The following VPS8 variants were observed in gnomAD, a reference collection of about 807,000 sequenced individuals.
VPS8 encodes the protein vacuolar protein sorting-associated protein 8 homolog.
VPS8 carries 129 observed loss-of-function variants against 216.4 expected under a neutral mutation model. The observed-to-expected ratio is 0.60, with a 90% CI of 0.52 to 0.69. The LOEUF (loss-of-function observed/expected upper bound fraction) is 0.69. VPS8 is among the 30% of genes least tolerant of loss of function. The pLI is 0.00. For missense variants in VPS8, 1,531 were observed against 1,683.5 expected, an observed-to-expected ratio of 0.91 and a Z score of 1.59; for synonymous variants, 571 against 565.4, an observed-to-expected ratio of 1.01 and a Z score of -0.14.
intron 25 of VPS8, among the ~76,000 whole-genome samples, chr3:184,902,074 T>C (rs1273788869): frequency 1.3e-5 from 2 of 152,142 alleles, no homozygotes; most frequent in Non-Finnish European, 1.5e-5. Context: ...TGTTTAGCCA[T>C]TCACATATCT....
chr3:184,874,817 A>G (rs150292054), intron 21 of VPS8, among the ~76,000 whole-genome samples: 324 of 152,326 alleles, frequency 2.1e-3, no homozygotes, highest in African/African-American at 7.4e-3. Flanking sequence ...TGGGTTGTTT[A>G]ATCTGAGGAG....
chr3:185,014,784 G>A (rs1405733031), intron 45 of VPS8, among the ~76,000 whole-genome samples: 2 of 152,204 alleles, frequency 1.3e-5, no homozygotes, highest in African/African-American at 4.8e-5. Flanking sequence ...TGGGATGCCA[G>A]TAATGTGTTT....
intron 45 of VPS8, among the ~76,000 whole-genome samples, chr3:185,015,768 G>A (rs1159246503): frequency 6.6e-6 from 1 of 152,194 alleles, no homozygotes; most frequent in Non-Finnish European, 1.5e-5. Flanking sequence ...TCCTGAGAGG[G>A]ACAGTAATTT....
intron 42 of VPS8, among the ~76,000 whole-genome samples, chr3:184,984,275 G>A (rs1259585310): frequency 2.7e-5 from 4 of 147,902 alleles, no homozygotes; most frequent in Non-Finnish European, 6.0e-5. Flanking sequence ...TCATTACATG[G>A]TATACTATCA....
At position 184,996,371 on chromosome 3, in the gene VPS8, C is replaced by A; in HGVS notation, c.3706C>A (p.Leu1236Ile). 1 of 1,613,308 alleles carries A rather than the reference C, an allele frequency of 6.2e-7. No individual in the cohort carries two copies. Among genetic ancestry groups the A allele is most frequent in the Non-Finnish European group, 8.5e-7 (1 of 1,179,564 alleles). Reference protein sequence around the residue: ...ETTTSLLNQDLHWSLCNLRAS... With the variant: ...ETTTSLLNQDIHWSLCNLRAS... ...AACAACCAGCCTTCTAAACCAAGATCTCCATTGGTCATTGTGTAACCTGAG... is the reference window on the plus strand; with the variant it reads ...AACAACCAGCCTTCTAAACCAAGATATCCATTGGTCATTGTGTAACCTGAG... Residue 1236 changes from leucine to isoleucine, a missense_variant, in exon 44 of 48, where the codon CTC becomes ATC. Physicochemically the swap from Leu to Ile is conservative, Grantham distance 5 (BLOSUM62 2). Coordinates refer to ENST00000625842, the MANE Select transcript of VPS8 (RefSeq NM_001009921.3).
intron 46 of VPS8, among the ~76,000 whole-genome samples, chr3:185,024,806 C>A (rs1000635677): frequency 6.6e-6 from 1 of 152,136 alleles, no homozygotes; most frequent in Non-Finnish European, 1.5e-5. Context: ...AGTTCAAGAC[C>A]AGCCTGGCCA....
chr3:184,938,218 A>T (rs1741983544), intron 35 of VPS8, among the ~76,000 whole-genome samples: 1 of 152,234 alleles, frequency 6.6e-6, no homozygotes, highest in Non-Finnish European at 1.5e-5. Flanking sequence ...AACAACTCCC[A>T]GATATCAGGC....
intron 5 of VPS8, among the ~76,000 whole-genome samples, chr3:184,837,538 C>T (rs867542110): frequency 4.1e-4 from 62 of 152,296 alleles, no homozygotes; most frequent in African/African-American, 1.3e-3. Flanking sequence ...ATGTTTGACA[C>T]ACAGACATAT....
chr3:184,926,485 T>C (rs1578276694), intron 30 of VPS8, 109 bp from the exon 31 acceptor site: 6 of 1,094,588 alleles, frequency 5.5e-6, no homozygotes, highest in Admixed American at 4.6e-5. Flanking sequence ...ATTTGTTATG[T>C]CTGGGTGTGA....
At chr3:184,860,261 G>T (rs907243016) in intron 15 of VPS8, among the ~76,000 whole-genome samples, 196 bp downstream of exon 15, 3 of 151,900 alleles carry the variant, frequency 2.0e-5, no homozygotes, top group African/African-American at 7.3e-5. Flanking sequence ...TTAAGCCCAG[G>T]AGTTCGAGGC....
intron 23 of VPS8, among the ~76,000 whole-genome samples, chr3:184,897,628 G>A (rs531793105): frequency 6.6e-6 from 1 of 152,170 alleles, no homozygotes; most frequent in East Asian, 1.9e-4. Context: ...GCTGAGAGGG[G>A]TAGAGAGGGA....
rs534433495 is a variant in VPS8, at chr3:185,031,915, G to A, written c.4056+7526G>A. Among the ~76,000 whole-genome samples the A allele has an allele frequency of 1.2e-4, 18 of 152,306 alleles. No individual in the cohort carries two copies. The South Asian group carries it at 3.7e-3, about 32-fold the overall frequency. On this transcript the variant is annotated intron_variant, in intron 46 of 47. Coordinates refer to ENST00000625842, the MANE Select transcript of VPS8 (RefSeq NM_001009921.3). ...TCGATGGCTGACGCCTGTAATCCCA[G>A]CACTTTGGGAAGCCGAGACGGGCAG...
chr3:185,007,821 A>G (rs1754469108), intron 45 of VPS8, among the ~76,000 whole-genome samples: 1 of 152,184 alleles, frequency 6.6e-6, no homozygotes, highest in Admixed American at 6.5e-5. Context: ...ACAACTTCCA[A>G]GTAATTATTC....
chr3:184,905,427 G>A (rs1735314735), intron 25 of VPS8, among the ~76,000 whole-genome samples: 1 of 151,998 alleles, frequency 6.6e-6, no homozygotes, highest in Non-Finnish European at 1.5e-5. Flanking sequence ...ATTTCTGTAA[G>A]GTCAGTAGTG....
At chr3:184,864,509 T>C (rs1726971625) in intron 16 of VPS8, among the ~76,000 whole-genome samples, 1 of 152,156 alleles carries the variant, frequency 6.6e-6, no homozygotes, top group South Asian at 2.1e-4. Flanking sequence ...GAAGAGCCAT[T>C]TGAAAGGTTT....
chr3:184,825,165 G>T, intron 2 of VPS8: 1 of 213,912 alleles, frequency 4.7e-6, no homozygotes, highest in Non-Finnish European at 9.8e-6. Context: ...TGGCCCCCAC[G>T]TGTATAGTTT....
At chr3:184,996,841 G>A (rs898433618) in intron 44 of VPS8, among the ~76,000 whole-genome samples, 1 of 152,196 alleles carries the variant, frequency 6.6e-6, no homozygotes, top group Non-Finnish European at 1.5e-5. Context: ...GCTGAGAGGT[G>A]TTTGGATTCT....
At chr3:184,947,345 G>C (rs1462546421) in intron 36 of VPS8, among the ~76,000 whole-genome samples, 1 of 152,118 alleles carries the variant, frequency 6.6e-6, no homozygotes, top group Admixed American at 6.5e-5. Context: ...TAAAAGCTAG[G>C]TGGGTAGCTC....
At chr3:184,828,600 T>G (rs1268709205) in intron 3 of VPS8, among the ~76,000 whole-genome samples, 1 of 152,234 alleles carries the variant, frequency 6.6e-6, no homozygotes, top group African/African-American at 2.4e-5. Flanking sequence ...CTTTTTCCCC[T>G]ATTTCCTTCC....
Sources: allele counts gnomAD v4.1 joint callset (sites outside exome capture counted in the v4.1 genomes callset), GRCh38; gene constraint gnomAD v4.1.1; transcripts MANE v1.5; gene names NCBI Gene and HGNC (gene_info 2026-07-23, HGNC 2026-07-21).